Variants in PDE3A observed in about 807,000 individuals in gnomAD.
PDE3A encodes phosphodiesterase 3A.
Under a neutral mutation model 98.3 loss-of-function variants are expected in PDE3A, and 43 were observed. The observed-to-expected ratio is 0.44, with a 90% CI of 0.34 to 0.56. PDE3A has a LOEUF of 0.56. PDE3A is among the 20% of genes least tolerant of loss of function. The pLI, the probability that PDE3A is intolerant of heterozygous loss-of-function variation, is 0.01. For missense variants in PDE3A, 1,427 were observed against 1,440.7 expected (o/e 0.99, Z 0.15); for synonymous variants, 663 against 567.9 (o/e 1.17, Z -2.38).
chr12:20,614,388 C>T (rs1323801935), intron 3 of PDE3A, among the ~76,000 whole-genome samples: 1 of 152,124 alleles, frequency 6.6e-6, no homozygotes, highest in Non-Finnish European at 1.5e-5. Flanking sequence ...AAATCAGTGT[C>T]AGTGGTCTCT....
chr12:20,568,314 A>G (rs374202658), intron 2 of PDE3A, among the ~76,000 whole-genome samples: 2 of 152,140 alleles, frequency 1.3e-5, no homozygotes, highest in East Asian at 3.9e-4. Context: ...TAACTAATTT[A>G]AAACATCAAC....
intron 2 of PDE3A, among the ~76,000 whole-genome samples, chr12:20,592,211 TAAGG>T (rs1943355149): frequency 6.6e-6 from 1 of 152,108 alleles, no homozygotes; most frequent in Admixed American, 6.5e-5. Context: ...CCTTCAAACC[TAAGG>T]AAGAAAGAAT....
intron 1 of PDE3A, among the ~76,000 whole-genome samples, chr12:20,528,288 C>G (rs1212680848): frequency 6.6e-6 from 1 of 152,178 alleles, no homozygotes; most frequent in African/African-American, 2.4e-5. Context: ...TTCTCAAACC[C>G]CAGCTACTGA....
At chr12:20,670,499 T>A (rs994436490) in intron 15 of PDE3A, among the ~76,000 whole-genome samples, 13 of 152,088 alleles carry the variant, frequency 8.5e-5, no homozygotes, top group Admixed American at 2.6e-4. Context: ...ACAAACTATC[T>A]CTCAGACCAC....
At chr12:20,568,067 T>C (rs189259930) in intron 2 of PDE3A, among the ~76,000 whole-genome samples, 23 of 152,110 alleles carry the variant, frequency 1.5e-4, no homozygotes, top group South Asian at 1.2e-3. Flanking sequence ...GGTAATATCT[T>C]CTTTAAATAG....
At chr12:20,563,349 T>G (rs1162969347) in intron 2 of PDE3A, among the ~76,000 whole-genome samples, 1 of 152,360 alleles carries the variant, frequency 6.6e-6, no homozygotes, top group East Asian at 1.9e-4. Context: ...TTATTGAAGT[T>G]AATTCCTTTT....
intron 15 of PDE3A, among the ~76,000 whole-genome samples, chr12:20,659,474 T>C (rs1347106607): frequency 6.6e-6 from 1 of 152,164 alleles, no homozygotes; most frequent in Non-Finnish European, 1.5e-5. Flanking sequence ...AGACTTTTCT[T>C]TTTTTTCTTG....
At chr12:20,453,273 A>C (rs866234853) in intron 1 of PDE3A, among the ~76,000 whole-genome samples, 3 of 149,842 alleles carry the variant, frequency 2.0e-5, no homozygotes, top group Admixed American at 6.8e-5. Context: ...TCCCAGGTTC[A>C]AGCAGTTCTC....
chr12:20,448,056 G>A (rs1359746303), intron 1 of PDE3A, among the ~76,000 whole-genome samples: 1 of 152,180 alleles, frequency 6.6e-6, no homozygotes, highest in Non-Finnish European at 1.5e-5. Context: ...GGAGAGATTG[G>A]AAAGATGGAT....
chr12:20,570,709 A>C (rs1942784603), intron 2 of PDE3A, among the ~76,000 whole-genome samples: 1 of 152,172 alleles, frequency 6.6e-6, no homozygotes, highest in African/African-American at 2.4e-5. Flanking sequence ...AGACCAAGAT[A>C]TGAAAATCTT....
At chr12:20,523,754 G>A (rs1946469663) in intron 1 of PDE3A, among the ~76,000 whole-genome samples, 1 of 152,092 alleles carries the variant, frequency 6.6e-6, no homozygotes, top group Non-Finnish European at 1.5e-5. Context: ...CCCTGATGTA[G>A]GAATGTATCA....
intron 13 of PDE3A, among the ~76,000 whole-genome samples, chr12:20,649,509 A>G (rs1944866305): frequency 6.6e-6 from 1 of 152,174 alleles, no homozygotes; most frequent in Non-Finnish European, 1.5e-5. Context: ...GTATATTTGT[A>G]TAAATTATCT....
In PDE3A at chr12:20,637,578, G is replaced by T. The variant is rs191218409; in HGVS notation, c.2139+341G>T. Among the ~76,000 whole-genome samples, 509 of 152,182 alleles carry T rather than the reference G, an allele frequency of 3.3e-3. 4 individuals carry two copies. The highest frequency in any genetic ancestry group is 0.012 in the African/African-American group (478 of 41,554). On this transcript the variant is annotated intron_variant, in intron 9 of 15. Transcript: ENST00000359062. ...CTAAAAGAAGAAAACTGCCTATTTA[G>T]AGATACTAATTTATTGTCTGTAATT...
At chr12:20,504,849 G>T (rs1175232074) in intron 1 of PDE3A, among the ~76,000 whole-genome samples, 1 of 151,908 alleles carries the variant, frequency 6.6e-6, no homozygotes, top group Non-Finnish European at 1.5e-5. Context: ...CAGGATCATC[G>T]CTCTAACTCA....
intron 1 of PDE3A, among the ~76,000 whole-genome samples, chr12:20,396,266 C>T (rs1343541644): frequency 1.3e-5 from 2 of 152,138 alleles, no homozygotes; most frequent in Non-Finnish European, 2.9e-5. Flanking sequence ...TGGTTTTCCT[C>T]TTCAGTCACC....
intron 1 of PDE3A, among the ~76,000 whole-genome samples, chr12:20,490,859 T>C (rs541159990): frequency 6.6e-6 from 1 of 152,134 alleles, no homozygotes. Flanking sequence ...ACCTGTGATT[T>C]CAGTTATTTG....
rs1325347697 is a variant in PDE3A at position 20,369,334 on chromosome 12, G to A, written c.50G>A (p.Ser17Asn). Reference sequence around the variant, plus strand: ...CGAGTCAGGGACAAGCCCGTCCACAGTGGGGTGAGTCAAGCCCCCACGGCG... The same window carrying A: ...CGAGTCAGGGACAAGCCCGTCCACAATGGGGTGAGTCAAGCCCCCACGGCG... ...AARVRDKPVH[S>N]GVSQAPTAGR... Residue 17 changes from serine (S) to asparagine (N), a missense_variant, in exon 1 of 16, where the codon AGT (serine) becomes AAT (asparagine). Physicochemically the swap from Ser to Asn is conservative, Grantham distance 46. Around this residue, in one of 3 missense-constraint regions of PDE3A, gnomAD observed 1,012 missense variants for 886.5 expected, o/e 1.14. Transcript: ENST00000359062. 6.5e-7 allele frequency: 1 copy of A among 1,548,220 alleles called. No homozygotes were observed. Among genetic ancestry groups the A allele is most frequent in the Non-Finnish European group, 8.7e-7 (1 of 1,146,040 alleles).
intron 2 of PDE3A, among the ~76,000 whole-genome samples, chr12:20,609,039 A>T (rs1943781604): frequency 6.6e-6 from 1 of 152,094 alleles, no homozygotes; most frequent in Admixed American, 6.5e-5. Flanking sequence ...CATAATGATT[A>T]GAGATGCACT....
At chr12:20,607,714 AGT>A (rs1004684285) in intron 2 of PDE3A, among the ~76,000 whole-genome samples, 13 of 147,726 alleles carry the variant, frequency 8.8e-5, no homozygotes, top group African/African-American at 3.2e-4. Flanking sequence ...TTGCTTGGTA[AGT>A]TTTTTTTTTT....
Sources: allele counts gnomAD v4.1 joint callset (sites outside exome capture counted in the v4.1 genomes callset), GRCh38; gene constraint gnomAD v4.1.1; regional missense constraint gnomAD v4.1.1; transcripts MANE v1.5; gene names NCBI Gene and HGNC (gene_info 2026-07-23, HGNC 2026-07-21).